ZMIZ1: variants seen among roughly 807,000 people sequenced by gnomAD.
ZMIZ1 encodes zinc finger MIZ-type containing 1.
In ZMIZ1, 17 loss-of-function variants were observed where a neutral mutation model predicts 113.9. The observed-to-expected ratio is 0.15, with a 90% CI of 0.10 to 0.22. ZMIZ1 has a LOEUF of 0.22. Among genes scored for constraint, ZMIZ1 ranks in the 10% least tolerant of loss-of-function variants. The pLI, the probability that ZMIZ1 is intolerant of heterozygous loss-of-function variation, is 1.00. For missense variants in ZMIZ1, 1,059 were observed against 1,477.8 expected, an observed-to-expected ratio of 0.72 and a Z score of 4.65; for synonymous variants, 607 against 603.1, an observed-to-expected ratio of 1.01 and a Z score of -0.09.
chr10:79,275,156 G>C (rs1250541), intron 7 of ZMIZ1, among the ~76,000 whole-genome samples: 85,558 of 152,186 alleles, frequency 0.56, 25,054 homozygotes, highest in African/African-American at 0.73. Context: ...TCGTTTTTGT[G>C]TGTCCTGGCC....
intron 8 of ZMIZ1, 146 bp downstream of exon 8, chr10:79,277,471 C>T (rs970869033): frequency 4.7e-6 from 5 of 1,065,948 alleles, no homozygotes; most frequent in African/African-American, 1.7e-5. Flanking sequence ...TTTACATCTT[C>T]GTGGGTGAGC....
At chr10:79,090,893 A>C (rs1213546623) in intron 1 of ZMIZ1, among the ~76,000 whole-genome samples, 4 of 152,140 alleles carry the variant, frequency 2.6e-5, no homozygotes, top group Non-Finnish European at 4.4e-5. Context: ...ATCGGGATAC[A>C]CTGGCCTCAT....
At chr10:79,273,903 A>G (rs1422846537) in intron 7 of ZMIZ1, among the ~76,000 whole-genome samples, 2 of 152,248 alleles carry the variant, frequency 1.3e-5, no homozygotes, top group African/African-American at 4.8e-5. Context: ...GCAGGAGGCC[A>G]ATCGTCACCC....
chr10:79,283,949 A>G (rs980508439), intron 8 of ZMIZ1, among the ~76,000 whole-genome samples: 2 of 152,224 alleles, frequency 1.3e-5, no homozygotes, highest in Non-Finnish European at 1.5e-5. Flanking sequence ...TTGCACGGAG[A>G]CGGGACCAGT....
At position 79,302,221 on chromosome 10, in the gene ZMIZ1, G is replaced by C; in HGVS notation, c.2125+9G>C. On this transcript the variant is annotated intron_variant, in intron 18 of 24. Coordinates refer to ENST00000334512, the MANE Select transcript of ZMIZ1 (RefSeq NM_020338.4). Reference sequence around the variant, plus strand: ...GCACTGTATCACGAAAAGTGAGTCAGGGTGGGGACGGGGGTGAGGGCCAGA... The same window carrying C: ...GCACTGTATCACGAAAAGTGAGTCACGGTGGGGACGGGGGTGAGGGCCAGA... 1 of 1,611,690 alleles carries C rather than the reference G, an allele frequency of 6.2e-7. No individual in the cohort carries two copies. Among genetic ancestry groups the C allele is most frequent in the Non-Finnish European group, 8.5e-7 (1 of 1,179,688 alleles).
rs1019268905 is a variant in ZMIZ1 at position 79,314,326 on chromosome 10, G to T, written c.*1577G>T. ...TGCGCCCTTCCCGGCTGCTGCCTGG[G>T]GCCCTTTCCTGCTCTCCCGTCCGCT... On this transcript the variant is annotated 3_prime_UTR_variant, in exon 25 of 25. Coordinates refer to ENST00000334512, the MANE Select transcript of ZMIZ1 (RefSeq NM_020338.4). The T allele has an allele frequency of 2.2e-6, 1 of 448,858 alleles. No homozygotes were observed. Among genetic ancestry groups the T allele is most frequent in the South Asian group, 1.6e-5 (1 of 63,758 alleles). The allele number at this position is 448,858 out of a possible 1,614,324, so 27.8% of individuals were successfully genotyped here.
At chr10:79,127,074 C>T (rs886643387) in intron 2 of ZMIZ1, among the ~76,000 whole-genome samples, 1 of 152,152 alleles carries the variant, frequency 6.6e-6, no homozygotes, top group Admixed American at 6.5e-5. Context: ...CTGTGACCAA[C>T]TCCTTCTTTC....
chr10:79,270,052 G>T (rs1029105770), intron 7 of ZMIZ1, among the ~76,000 whole-genome samples: 1 of 152,222 alleles, frequency 6.6e-6, no homozygotes, highest in Non-Finnish European at 1.5e-5. Context: ...AGTCCTGGGC[G>T]TCTGTGCTGC....
chr10:79,141,014 C>G (rs1186068894), intron 3 of ZMIZ1, among the ~76,000 whole-genome samples: 1 of 152,094 alleles, frequency 6.6e-6, no homozygotes, highest in African/African-American at 2.4e-5. Flanking sequence ...GAAGACAGAG[C>G]CAATTTAGCC....
rs971874988 is a variant in ZMIZ1 at position 79,134,235 on chromosome 10, T to G, written c.-226-5447T>G. 2.0e-5 allele frequency among the ~76,000 whole-genome samples: 3 copies of G among 152,128 alleles called. 1 individual carries two copies. Among genetic ancestry groups the G allele is most frequent in the Admixed American group, 6.5e-5 (1 of 15,268 alleles). ...TAGGGGGAAGGTGCTGCAGTCTGAT[T>G]GGTGGAGCTGGGAGGAACCTGTGGC... On this transcript the variant is annotated intron_variant, in intron 2 of 24. Coordinates refer to ENST00000334512, the MANE Select transcript of ZMIZ1 (RefSeq NM_020338.4).
intron 5 of ZMIZ1, among the ~76,000 whole-genome samples, 193 bp downstream of exon 5, chr10:79,201,885 G>C (rs1001281904): frequency 3.3e-5 from 5 of 151,952 alleles, no homozygotes; most frequent in African/African-American, 9.7e-5. Flanking sequence ...TGCCAATGCT[G>C]CCCTGTCCCT....
Position 79,297,700 on chromosome 10 carries a change from A to G in ZMIZ1, c.1491+10A>G, listed in dbSNP as rs180836616. 4.7e-5 allele frequency: 75 copies of G among 1,612,334 alleles called. 1 individual carries two copies. The Admixed American group carries it at 5.3e-4, about 11-fold the overall frequency. On this transcript the variant is annotated intron_variant, in intron 14 of 24. Transcript: ENST00000334512. The stretch of plus-strand genomic sequence containing the variant: ...AGGGAATGTCAACAGGGTATGTTCC[A>G]ATTTAATTTACAAATTCTAAGCCAC...
In ZMIZ1 at chr10:79,301,282, A is replaced by G. The variant is rs543776464; in HGVS notation, c.2019+340A>G. ...TCATTGGTGCAGTTCTGTGTTCCTC[A>G]AAGCCATGTCCTGCTTGCCTCATTC... On this transcript the variant is annotated intron_variant, in intron 17 of 24. Transcript: ENST00000334512. 6.6e-5 allele frequency among the ~76,000 whole-genome samples: 10 copies of G among 152,076 alleles called. No homozygotes were observed. The South Asian group carries it at 2.1e-3, about 32-fold the overall frequency.
chr10:79,094,954 G>GAA (rs763911221), intron 1 of ZMIZ1, among the ~76,000 whole-genome samples: 2 of 139,660 alleles, frequency 1.4e-5, no homozygotes, highest in Non-Finnish European at 3.1e-5. Flanking sequence ...GCCCCTCCTG[G>GAA]AAAAAAAAAA....
At chr10:79,250,767 A>T (rs1010716477) in intron 7 of ZMIZ1, among the ~76,000 whole-genome samples, 3 of 152,130 alleles carry the variant, frequency 2.0e-5, no homozygotes, top group African/African-American at 7.2e-5. Flanking sequence ...AAGGACTGTG[A>T]GTCCAGCCTT....
At chr10:79,151,742 G>T (rs1307905349) in intron 3 of ZMIZ1, among the ~76,000 whole-genome samples, 5 of 152,216 alleles carry the variant, frequency 3.3e-5, no homozygotes, top group Admixed American at 3.3e-4. Context: ...AGGCCCGGGT[G>T]GGCCCCACTG....
At chr10:79,279,101 A>G (rs867963039) in intron 8 of ZMIZ1, among the ~76,000 whole-genome samples, 6 of 143,260 alleles carry the variant, frequency 4.2e-5, no homozygotes, top group Non-Finnish European at 6.0e-5. Context: ...CTGGCCGGAC[A>G]GGGGCTGCCC....
At chr10:79,181,280 A>C (rs1847113454) in intron 4 of ZMIZ1, among the ~76,000 whole-genome samples, 1 of 152,058 alleles carries the variant, frequency 6.6e-6, no homozygotes, top group Admixed American at 6.5e-5. Context: ...AGCCTTAGTA[A>C]ATGGGGACAG....
intron 1 of ZMIZ1, among the ~76,000 whole-genome samples, chr10:79,081,457 G>A (rs544387270): frequency 6.6e-6 from 1 of 152,306 alleles, no homozygotes; most frequent in Non-Finnish European, 1.5e-5. Context: ...TGGGGCCCTA[G>A]GGGAAGAAAG....
Sources: gnomAD v4.1 joint callset for allele counts (sites outside exome capture counted in the v4.1 genomes callset) on GRCh38, gnomAD v4.1.1 for gene constraint, MANE v1.5 for transcripts, NCBI Gene and HGNC (gene_info 2026-07-23, HGNC 2026-07-21) for gene names.